The following ZDHHC3 variants were observed in gnomAD, a reference collection of about 807,000 sequenced individuals.
ZDHHC3 encodes palmitoyltransferase ZDHHC3.
ZDHHC3 carries 9 observed loss-of-function variants against 30.6 expected under a neutral mutation model. That is an observed-to-expected ratio of 0.29 (90% CI 0.18 to 0.51). The LOEUF (loss-of-function observed/expected upper bound fraction) is 0.51. ZDHHC3 is among the 20% of genes least tolerant of loss of function. The pLI is 0.97. For synonymous variants in ZDHHC3, 136 were observed against 140.2 expected (o/e 0.97, Z 0.21); for missense variants, 246 against 384.2 (o/e 0.64, Z 3.01).
rs1575748314 is a variant in ZDHHC3, at chr3:44,919,997, A to C, written c.*6692T>G. 1 of 1,148,826 alleles carries C rather than the reference A, an allele frequency of 8.7e-7. No homozygotes were observed. Among genetic ancestry groups the C allele is most frequent in the Non-Finnish European group, 1.1e-6 (1 of 918,014 alleles). The allele number at this position is 1,148,826 out of a possible 1,614,324, so 71.2% of individuals were successfully genotyped here. On this transcript the variant is annotated 3_prime_UTR_variant, in exon 7 of 7. Coordinates refer to ENST00000424952, the MANE Select transcript of ZDHHC3 (RefSeq NM_001135179.2). Reference sequence around the variant, plus strand: ...ACTATGCAGCTAGAAAAGATGGTTTAATATGGTTTTACATGACATTAGAAC... The same window carrying C: ...ACTATGCAGCTAGAAAAGATGGTTTCATATGGTTTTACATGACATTAGAAC...
intron 3 of ZDHHC3, among the ~76,000 whole-genome samples, chr3:44,944,902 T>C (rs1274506603): frequency 6.6e-6 from 1 of 152,006 alleles, no homozygotes; most frequent in East Asian, 1.9e-4. Flanking sequence ...CCTGCCCAGG[T>C]CCTATGTCAG....
Position 44,923,806 on chromosome 3 carries a change from C to CA in ZDHHC3, c.*2882dup. On this transcript the variant is annotated 3_prime_UTR_variant, in exon 7 of 7. Transcript: ENST00000424952. ...TGACAGAGCAAGACCTTGTCTCAAA[C>CA]AAAAAAGAGGAAGTACAGTATGAAG... 1 of 984,984 alleles carries CA rather than the reference C, an allele frequency of 1.0e-6. No individual in the cohort carries two copies. Among genetic ancestry groups the CA allele is most frequent in the Non-Finnish European group, 1.2e-6 (1 of 829,804 alleles). The allele number at this position is 984,984 out of a possible 1,614,324, so 61.0% of individuals were successfully genotyped here. A position where few individuals can be genotyped will look rare whatever the true frequency, so the allele number is the denominator to read the frequency against.
At chr3:44,955,451 AG>A (rs746917056) in intron 2 of ZDHHC3, among the ~76,000 whole-genome samples, 6 of 125,292 alleles carry the variant, frequency 4.8e-5, no homozygotes, top group Non-Finnish European at 8.1e-5. Context: ...GGAGACCACA[AG>A]GTTTTTATAT....
chr3:44,919,094 T>C lies in ZDHHC3; in HGVS notation c.*7595A>G, dbSNP rs533951056. ...TTCAGAGATTTAAGATTCTTGACTT[T>C]TGAATAAATTCTAAGTTAAAAAAAT... On this transcript the variant is annotated 3_prime_UTR_variant, in exon 7 of 7. Transcript: ENST00000424952. 3.2e-5 allele frequency: 32 copies of C among 985,350 alleles called. No individual in the cohort carries two copies. The African/African-American group carries it at 5.2e-4, about 16-fold the overall frequency. The allele number at this position is 985,350 out of a possible 1,614,324, so 61.0% of individuals were successfully genotyped here.
At position 44,925,671 on chromosome 3, in the gene ZDHHC3, G is replaced by C; in HGVS notation, c.*1018C>G. 1 of 985,456 alleles carries C rather than the reference G, an allele frequency of 1.0e-6. No individual in the cohort carries two copies. The highest frequency in any genetic ancestry group is 1.7e-5 in the African/African-American group (1 of 57,352). The allele number at this position is 985,456 out of a possible 1,614,324, so 61.0% of individuals were successfully genotyped here. A position where few individuals can be genotyped will look rare whatever the true frequency, so the allele number is the denominator to read the frequency against. The stretch of plus-strand genomic sequence containing the variant: ...TCCATGCCAGGACAACAGTCTCCCA[G>C]GTTAAAATATAGATAAGACACAGGT... On this transcript the variant is annotated 3_prime_UTR_variant, in exon 7 of 7. Transcript: ENST00000424952.
In ZDHHC3 at chr3:44,920,692, G is replaced by C. The variant is rs1032353692; in HGVS notation, c.*5997C>G. The C allele has an allele frequency of 1.0e-6, 1 of 985,384 alleles. No homozygotes were observed. Among genetic ancestry groups the C allele is most frequent in the Non-Finnish European group, 1.2e-6 (1 of 829,924 alleles). The allele number at this position is 985,384 out of a possible 1,614,324, so 61.0% of individuals were successfully genotyped here. On this transcript the variant is annotated 3_prime_UTR_variant, in exon 7 of 7. Coordinates refer to ENST00000424952, the MANE Select transcript of ZDHHC3 (RefSeq NM_001135179.2). The stretch of plus-strand genomic sequence containing the variant: ...TGCCCAGGCTGAGCTCAGTCAGAGA[G>C]AAGGGGAATGAAGCCAAGAGCCCAC...
At chr3:44,974,133 T>C (rs1705662893) in intron 1 of ZDHHC3, among the ~76,000 whole-genome samples, 1 of 152,230 alleles carries the variant, frequency 6.6e-6, no homozygotes, top group African/African-American at 2.4e-5. Flanking sequence ...TAGTAGACAA[T>C]TTAAAAAGGA....
In ZDHHC3 at chr3:44,926,403, G is replaced by C; in HGVS notation, c.*286C>G. Reference sequence around the variant, plus strand: ...GCGCGAGACAGCGCCCTCTACATTAGTCATGCCAGACAGACAGCAGAGAGA... The same window carrying C: ...GCGCGAGACAGCGCCCTCTACATTACTCATGCCAGACAGACAGCAGAGAGA... On this transcript the variant is annotated 3_prime_UTR_variant, in exon 7 of 7. Coordinates refer to ENST00000424952, the MANE Select transcript of ZDHHC3 (RefSeq NM_001135179.2). The C allele has an allele frequency of 8.7e-7, 1 of 1,150,446 alleles. No individual in the cohort carries two copies. The highest frequency in any genetic ancestry group is 1.1e-6 in the Non-Finnish European group (1 of 935,978). 71.3% of individuals were successfully genotyped at this position (1,150,446 alleles called of 1,614,324 possible). A position where few individuals can be genotyped will look rare whatever the true frequency, so the allele number is the denominator to read the frequency against.
chr3:44,929,232 C>T, intron 6 of ZDHHC3, 74 bp downstream of exon 6: 1 of 1,565,634 alleles, frequency 6.4e-7, no homozygotes. Context: ...CTGTGAGCAG[C>T]TCTCCCAGCA....
In ZDHHC3 at chr3:44,932,580, T is replaced by G. The variant is rs1288148090; in HGVS notation, c.610+538A>C. Among the ~76,000 whole-genome samples, 3 of 152,164 alleles carry G rather than the reference T, an allele frequency of 2.0e-5. No individual in the cohort carries two copies. The East Asian group carries it at 5.8e-4, about 29-fold the overall frequency. On this transcript the variant is annotated intron_variant, in intron 5 of 6. Transcript: ENST00000424952. ...CTCCCTCAGTATTTGCACATTTCAG[T>G]GGGAAGCCTCTAAAGCAGGAAGAAT...
In ZDHHC3 at chr3:44,919,028, A is replaced by C; in HGVS notation, c.*7661T>G. 3 of 985,466 alleles carry C rather than the reference A, an allele frequency of 3.0e-6. No homozygotes were observed. Among genetic ancestry groups the C allele is most frequent in the Non-Finnish European group, 3.6e-6 (3 of 829,936 alleles). The allele number at this position is 985,466 out of a possible 1,614,324, so 61.0% of individuals were successfully genotyped here. A position where few individuals can be genotyped will look rare whatever the true frequency, so the allele number is the denominator to read the frequency against. On this transcript the variant is annotated 3_prime_UTR_variant, in exon 7 of 7. Transcript: ENST00000424952. ...GCACTGCTCCTTCACATGACTCAAG[A>C]AAGATCTCTGTGTATCTAGCACTTT...
intron 2 of ZDHHC3, among the ~76,000 whole-genome samples, chr3:44,946,501 C>G (rs1313592997): frequency 6.6e-6 from 1 of 152,150 alleles, no homozygotes; most frequent in African/African-American, 2.4e-5. Context: ...GCTTCCAAGA[C>G]TTATAGTGTT....
At chr3:44,965,921 C>T (rs1395306272) in intron 1 of ZDHHC3, among the ~76,000 whole-genome samples, 2 of 152,172 alleles carry the variant, frequency 1.3e-5, no homozygotes, top group Non-Finnish European at 2.9e-5. Context: ...ACACCGCATC[C>T]ACCCACATTC....
At position 44,926,235 on chromosome 3, in the gene ZDHHC3, G is replaced by A. The variant is rs1453471810; in HGVS notation, c.*454C>T. The A allele has an allele frequency of 9.1e-6, 9 of 986,420 alleles. No individual in the cohort carries two copies. The highest frequency in any genetic ancestry group is 1.1e-5 in the Non-Finnish European group (9 of 830,694). 61.1% of individuals were successfully genotyped at this position (986,420 alleles called of 1,614,324 possible). On this transcript the variant is annotated 3_prime_UTR_variant, in exon 7 of 7. Coordinates refer to ENST00000424952, the MANE Select transcript of ZDHHC3 (RefSeq NM_001135179.2). ...GCATCCATCTTCGGTGAGGTTTTAT[G>A]TCCCATCGGGGAGCCCGCCACTGCC...
At chr3:44,950,089 C>G (rs1337752819) in intron 2 of ZDHHC3, among the ~76,000 whole-genome samples, 1 of 152,210 alleles carries the variant, frequency 6.6e-6, no homozygotes, top group Non-Finnish European at 1.5e-5. Flanking sequence ...CCTGCCTTGG[C>G]CTTCTGAAGT....
chr3:44,926,320 C>T lies in ZDHHC3; in HGVS notation c.*369G>A. ...TTCCCATGCATCCCCCACCAGGTGTCCAGACTATTCCATCCACGCACAGCG... is the reference window on the plus strand; with the variant it reads ...TTCCCATGCATCCCCCACCAGGTGTTCAGACTATTCCATCCACGCACAGCG... On this transcript the variant is annotated 3_prime_UTR_variant, in exon 7 of 7. Transcript: ENST00000424952. 3.0e-6 allele frequency: 3 copies of T among 995,630 alleles called. No individual in the cohort carries two copies. The highest frequency in any genetic ancestry group is 3.6e-6 in the Non-Finnish European group (3 of 837,042). The allele number at this position is 995,630 out of a possible 1,614,324, so 61.7% of individuals were successfully genotyped here.
rs1700955293 is a variant in ZDHHC3 at position 44,926,012 on chromosome 3, C to T, written c.*677G>A. On this transcript the variant is annotated 3_prime_UTR_variant, in exon 7 of 7. Transcript: ENST00000424952. ...CAAATAATCACAGGGAATATAATTG[C>T]TGATTCAGAATACAAATAAGACCTC... is the stretch of plus-strand genomic sequence containing the variant. 1.0e-6 allele frequency: 1 copy of T among 985,826 alleles called. No individual in the cohort carries two copies. Among genetic ancestry groups the T allele is most frequent in the Middle Eastern group, 5.2e-4 (1 of 1,914 alleles). The allele number at this position is 985,826 out of a possible 1,614,324, so 61.1% of individuals were successfully genotyped here.
chr3:44,937,475 G>A (rs1175413997), intron 3 of ZDHHC3, among the ~76,000 whole-genome samples: 1 of 151,782 alleles, frequency 6.6e-6, no homozygotes, highest in Non-Finnish European at 1.5e-5. Flanking sequence ...GGAGGCCAAG[G>A]TGGGAGGATT....
chr3:44,933,360 C>T, intron 4 of ZDHHC3, 161 bp from the exon 5 acceptor site: 1 of 660,606 alleles, frequency 1.5e-6, no homozygotes, highest in Non-Finnish European at 2.7e-6. Flanking sequence ...CCCTACAGAT[C>T]CGTCTACCCA....
Sources: allele counts gnomAD v4.1 joint callset (sites outside exome capture counted in the v4.1 genomes callset), GRCh38; gene constraint gnomAD v4.1.1; transcripts MANE v1.5; gene names NCBI Gene and HGNC (gene_info 2026-07-23, HGNC 2026-07-21).